The following GTF2IRD1 variants were observed in gnomAD, a reference collection of about 807,000 sequenced individuals.
GTF2IRD1 encodes general transcription factor II-I repeat domain-containing protein 1.
A neutral mutation model predicts 113.2 loss-of-function variants in GTF2IRD1; 26 were observed. The ratio of observed to expected loss-of-function variants is 0.23; its 90% CI spans 0.17 to 0.32. GTF2IRD1 has a LOEUF of 0.32. Ranked by LOEUF, GTF2IRD1 falls within the 10% of genes least tolerant of loss-of-function variation. The probability of loss-of-function intolerance (pLI) is 1.00; values close to 1 mark genes in which losing one functional copy is unlikely to be tolerated. For missense variants in GTF2IRD1, 864 were observed against 1,280.8 expected (o/e 0.67, Z 4.97); for synonymous variants, 484 against 529.1 (o/e 0.91, Z 1.17).
At chr7:74,531,605 A>C (rs1797966995) in intron 9 of GTF2IRD1, among the ~76,000 whole-genome samples, 1 of 151,700 alleles carries the variant, frequency 6.6e-6, no homozygotes, top group South Asian at 2.1e-4. Flanking sequence ...CCAGGGGCTG[A>C]GCACAGTGGC....
intron 16 of GTF2IRD1, among the ~76,000 whole-genome samples, chr7:74,546,221 T>C (rs1318241765): frequency 1.4e-5 from 2 of 146,748 alleles, no homozygotes; most frequent in African/African-American, 2.5e-5. Flanking sequence ...TGTTTTTCTT[T>C]TTTTTTTTTT....
chr7:74,555,820 G>C lies in GTF2IRD1; in HGVS notation c.2023+326G>C, dbSNP rs1229633956. Among the ~76,000 whole-genome samples the C allele has an allele frequency of 3.3e-5, 5 of 152,160 alleles. No individual in the cohort carries two copies. The highest frequency in any genetic ancestry group is 7.3e-5 in the Non-Finnish European group (5 of 68,034). ...CTGTGGTCTTAGTGCTTTGAAATCA[G>C]AATAGGAGCCAGACGCGGCACCTCA... On this transcript the variant is annotated intron_variant, in intron 19 of 26. Transcript: ENST00000424337. The surrounding 1 kb of genome is among the most constrained non-coding windows in gnomAD (Gnocchi z 5.3).
intron 2 of GTF2IRD1, among the ~76,000 whole-genome samples, chr7:74,510,498 G>A (rs761512204): frequency 1.3e-4 from 19 of 150,894 alleles, no homozygotes; most frequent in Non-Finnish European, 1.9e-4. Flanking sequence ...TAGTAGAGAC[G>A]GGGTTTCACC....
intron 19 of GTF2IRD1, among the ~76,000 whole-genome samples, chr7:74,556,790 A>AT (rs587648610): frequency 0.058 from 7,441 of 128,334 alleles, 34 homozygotes; most frequent in Non-Finnish European, 0.065. Flanking sequence ...TGCCTGGCTA[A>AT]TTTTTGTATT....
At chr7:74,486,743 A>G (rs1259692478) in intron 1 of GTF2IRD1, among the ~76,000 whole-genome samples, 6 of 151,996 alleles carry the variant, frequency 3.9e-5, no homozygotes, top group African/African-American at 1.4e-4. Flanking sequence ...AAGCTGAGGC[A>G]GGAGGATTGC....
intron 22 of GTF2IRD1, among the ~76,000 whole-genome samples, chr7:74,574,926 TA>T (rs1289416443): frequency 6.6e-6 from 1 of 151,870 alleles, no homozygotes; most frequent in Non-Finnish European, 1.5e-5. Context: ...CCGTTTCTAC[TA>T]AAAATACAAA....
intron 1 of GTF2IRD1, among the ~76,000 whole-genome samples, chr7:74,486,018 T>C (rs1795004056): frequency 6.6e-6 from 1 of 151,834 alleles, no homozygotes; most frequent in Admixed American, 6.6e-5. Flanking sequence ...TCACCCAGGC[T>C]GGAGTACGGT....
At chr7:74,553,785 C>G (rs1799448966) in intron 17 of GTF2IRD1, among the ~76,000 whole-genome samples, 1 of 152,166 alleles carries the variant, frequency 6.6e-6, no homozygotes, top group African/African-American at 2.4e-5. Flanking sequence ...CTCAGGGGCT[C>G]TGCCCAGCTT....
intron 1 of GTF2IRD1, among the ~76,000 whole-genome samples, chr7:74,504,515 A>C (rs1796200152): frequency 6.6e-6 from 1 of 152,122 alleles, no homozygotes; most frequent in South Asian, 2.1e-4. Context: ...ATCCCTGTGA[A>C]TGTGAGAAGC....
chr7:74,509,252 G>A (rs575779550), intron 2 of GTF2IRD1, among the ~76,000 whole-genome samples: 8 of 152,106 alleles, frequency 5.3e-5, no homozygotes, highest in Non-Finnish European at 7.3e-5. Context: ...AGCTACTCGG[G>A]AGGCTGAGGC....
At chr7:74,578,305 C>G (rs1452390845) in intron 22 of GTF2IRD1, among the ~76,000 whole-genome samples, 1 of 152,108 alleles carries the variant, frequency 6.6e-6, no homozygotes, top group Non-Finnish European at 1.5e-5. Flanking sequence ...CCTCACTCAG[C>G]CTTCCGAGTA....
At chr7:74,592,539 C>CT (rs78143254) in intron 24 of GTF2IRD1, among the ~76,000 whole-genome samples, 28 of 143,038 alleles carry the variant, frequency 2.0e-4, no homozygotes, top group Admixed American at 2.1e-4. Context: ...TTCTTTCTTT[C>CT]TTTTTTTTTT....
intron 4 of GTF2IRD1, 49 bp from the exon 5 acceptor site, chr7:74,518,090 C>T: frequency 7.4e-7 from 1 of 1,353,532 alleles, no homozygotes; most frequent in Non-Finnish European, 9.8e-7. Flanking sequence ...CCGACCCCAG[C>T]CTGGCTGCCC....
chr7:74,489,975 TG>T (rs1258525851), intron 1 of GTF2IRD1, among the ~76,000 whole-genome samples: 2 of 151,624 alleles, frequency 1.3e-5, no homozygotes, highest in African/African-American at 4.8e-5. Flanking sequence ...AGATTTTTTT[TG>T]TGTGTGTGTG....
intron 1 of GTF2IRD1, among the ~76,000 whole-genome samples, chr7:74,482,420 G>A (rs543165784): frequency 6.6e-6 from 1 of 151,760 alleles, no homozygotes; most frequent in African/African-American, 2.4e-5. Context: ...TAGAGTCAGG[G>A]TCTCTCTGTG....
At chr7:74,594,845 G>A (rs1554371649) in intron 24 of GTF2IRD1, among the ~76,000 whole-genome samples, 169 bp from the exon 25 acceptor site, 1 of 151,718 alleles carries the variant, frequency 6.6e-6, no homozygotes, top group African/African-American at 2.4e-5. Context: ...CCAGCTACTC[G>A]GGAGGCTGAG....
At chr7:74,479,169 C>T (rs1408429591) in intron 1 of GTF2IRD1, among the ~76,000 whole-genome samples, 2 of 152,230 alleles carry the variant, frequency 1.3e-5, no homozygotes, top group Non-Finnish European at 2.9e-5. Context: ...CCGACAGTTC[C>T]TCCGCCGTAG....
At chr7:74,455,089 G>A (rs1554326847) in intron 1 of GTF2IRD1, among the ~76,000 whole-genome samples, 1 of 152,160 alleles carries the variant, frequency 6.6e-6, no homozygotes, top group African/African-American at 2.4e-5. Context: ...GAGCTCTGGC[G>A]TCTGGCCTAG....
intron 6 of GTF2IRD1, among the ~76,000 whole-genome samples, chr7:74,520,337 C>T (rs1281819999): frequency 6.6e-6 from 1 of 151,974 alleles, no homozygotes; most frequent in Non-Finnish European, 1.5e-5. Context: ...AGGTGAGGAG[C>T]ACCTGGATTC....
Sources: gnomAD v4.1 joint callset for allele counts (sites outside exome capture counted in the v4.1 genomes callset) on GRCh38, gnomAD v4.1.1 for gene constraint, Gnocchi (gnomAD v3.1) non-coding constraint, MANE v1.5 for transcripts, NCBI Gene and HGNC (gene_info 2026-07-23, HGNC 2026-07-21) for gene names.